The following CRMP1 variants were observed in gnomAD, a reference collection of about 807,000 sequenced individuals.
The protein encoded by CRMP1 is dihydropyrimidinase-related protein 1.
CRMP1 carries 19 observed loss-of-function variants against 68.3 expected under a neutral mutation model. The ratio of observed to expected loss-of-function variants is 0.28; its 90% confidence interval spans 0.19 to 0.41. CRMP1 has a LOEUF of 0.41. CRMP1 is among the 10% of genes least tolerant of loss of function. The pLI, the probability that CRMP1 is intolerant of heterozygous loss-of-function variation, is 1.00. For synonymous variants in CRMP1, 439 were observed against 399.6 expected (o/e 1.10, Z -1.18); for missense variants, 791 against 967.4 (o/e 0.82, Z 2.42).
intron 1 of CRMP1, among the ~76,000 whole-genome samples, chr4:5,878,832 G>T (rs191165428): frequency 7.2e-4 from 109 of 151,932 alleles, no homozygotes; most frequent in African/African-American, 2.5e-3. Flanking sequence ...GCAACGTGGG[G>T]TAACATCTCA....
intron 4 of CRMP1, among the ~76,000 whole-genome samples, chr4:5,851,816 AGAGGAG>A (rs540710993): frequency 2.0e-5 from 3 of 146,852 alleles, no homozygotes; most frequent in African/African-American, 7.6e-5. Context: ...AGGAAAAAGA[AGAGGAG>A]GAGAAAGAAG....
At chr4:5,839,965 T>G (rs1577766836) in intron 8 of CRMP1, among the ~76,000 whole-genome samples, 1 of 152,224 alleles carries the variant, frequency 6.6e-6, no homozygotes, top group African/African-American at 2.4e-5. Flanking sequence ...TGGACATTAT[T>G]ATGTCCTTTT....
At position 5,825,288 on chromosome 4, in the gene CRMP1, C is replaced by G. The variant is rs979988795; in HGVS notation, c.1969+206G>C. 1 of 985,162 alleles carries G rather than the reference C, an allele frequency of 1.0e-6. No individual in the cohort carries two copies. Among genetic ancestry groups the G allele is most frequent in the Non-Finnish European group, 1.2e-6 (1 of 829,898 alleles). 61.0% of individuals were successfully genotyped at this position (985,162 alleles called of 1,614,324 possible). ...CCCACATCAGGTACCACCATGTTGC[C>G]CCCCTAACATGGACCCCCCTCTGCT... On this transcript the variant is annotated intron_variant, in intron 13 of 13. Transcript: ENST00000324989. The surrounding 1 kb of genome is among the most constrained non-coding windows in gnomAD (Gnocchi z 4.4).
chr4:5,853,064 T>G lies in CRMP1; in HGVS notation c.821-1595A>C, dbSNP rs1039086378. 6.6e-6 allele frequency among the ~76,000 whole-genome samples: 1 copy of G among 152,192 alleles called. No homozygotes were observed. Among genetic ancestry groups the G allele is most frequent in the Non-Finnish European group, 1.5e-5 (1 of 68,036 alleles). Reference sequence around the variant, plus strand: ...ATCCTGATGAGCCAGGCAGACAGCTTGCAATTTATTCTGGGGATAATGTGG... The same window carrying G: ...ATCCTGATGAGCCAGGCAGACAGCTGGCAATTTATTCTGGGGATAATGTGG... On this transcript the variant is annotated intron_variant, in intron 4 of 13. Transcript: ENST00000324989. The surrounding 1 kb of genome is among the most constrained non-coding windows in gnomAD (Gnocchi z 4.7).
Position 5,842,959 on chromosome 4 carries a change from A to T in CRMP1, c.1032+134T>A. ...GTCCCCAGGGTTCCCGGGGAAAACA[A>T]GATGGTTTGGGATGGTCTGGGAGAG... On this transcript the variant is annotated intron_variant, in intron 7 of 13. Coordinates refer to ENST00000324989, the MANE Select transcript of CRMP1 (RefSeq NM_001014809.3). The surrounding 1 kb of genome is among the most constrained non-coding windows in gnomAD (Gnocchi z 4.5). 1 of 806,586 alleles carries T rather than the reference A, an allele frequency of 1.2e-6. No homozygotes were observed. The highest frequency in any genetic ancestry group is 2.1e-6 in the Non-Finnish European group (1 of 486,328). 50.0% of individuals were successfully genotyped at this position (806,586 alleles called of 1,614,324 possible). A position where few individuals can be genotyped will look rare whatever the true frequency, so the allele number is the denominator to read the frequency against.
In CRMP1 at chr4:5,873,520, TG is replaced by T. The variant is rs1313567080; in HGVS notation, c.382-6765del. On this transcript the variant is annotated intron_variant, in intron 1 of 13. Coordinates refer to ENST00000324989, the MANE Select transcript of CRMP1 (RefSeq NM_001014809.3). ...TCATGGCTGAAGGCAAAGTGGGGGGTGGGGGGTGAGCACCTCACAGGAAGAA... is the reference window on the plus strand; with the variant it reads ...TCATGGCTGAAGGCAAAGTGGGGGGTGGGGGTGAGCACCTCACAGGAAGAA... Among the ~76,000 whole-genome samples the T allele has an allele frequency of 6.2e-5, 8 of 129,122 alleles. No individual in the cohort carries two copies. In the South Asian group the frequency reaches 7.9e-4, roughly 13 times the overall value. The allele number at this position is 129,122 out of a possible 152,430, so 84.7% of individuals were successfully genotyped here.
rs141685260 is a variant in CRMP1 at position 5,840,923 on chromosome 4, C to G, written c.1153+385G>C. Among the ~76,000 whole-genome samples, 330 of 152,204 alleles carry G rather than the reference C, an allele frequency of 2.2e-3. 11 individuals carry two copies. Among genetic ancestry groups the G allele is most frequent in the Admixed American group, 0.019 (293 of 15,300 alleles). On this transcript the variant is annotated intron_variant, in intron 8 of 13. Transcript: ENST00000324989. The stretch of plus-strand genomic sequence containing the variant: ...AAGGCAGTCCTGAGCCGCATGTGGC[C>G]ACCAATAACCTGAGGCTGTGGTTAG...
chr4:5,835,148 C>T (rs970054330), intron 11 of CRMP1, among the ~76,000 whole-genome samples: 2 of 152,230 alleles, frequency 1.3e-5, no homozygotes, highest in Non-Finnish European at 2.9e-5. Context: ...GGAACACCCA[C>T]TGCAGCTCCA....
intron 1 of CRMP1, among the ~76,000 whole-genome samples, chr4:5,871,380 G>T (rs1453398088): frequency 6.6e-6 from 1 of 152,212 alleles, no homozygotes; most frequent in Non-Finnish European, 1.5e-5. Flanking sequence ...CTAGGTTAAG[G>T]CTGGGTGCGG....
At chr4:5,828,795 A>G (rs1720090910) in intron 11 of CRMP1, 127 bp from the exon 12 acceptor site, 2 of 1,162,464 alleles carry the variant, frequency 1.7e-6, no homozygotes, top group Admixed American at 5.5e-5. Context: ...CTCTAAAAAT[A>G]CCTTTTATTG....
At chr4:5,847,530 G>A (rs544063030) in intron 6 of CRMP1, among the ~76,000 whole-genome samples, 11 of 152,206 alleles carry the variant, frequency 7.2e-5, no homozygotes, top group Admixed American at 5.9e-4. Context: ...TGTTAGCAAT[G>A]AACAGAATAC....
At position 5,825,671 on chromosome 4, in the gene CRMP1, A is replaced by G. The variant is rs760458156; in HGVS notation, c.1804-12T>C. 16 of 1,612,188 alleles carry G rather than the reference A, an allele frequency of 9.9e-6. No individual in the cohort carries two copies. Among genetic ancestry groups the G allele is most frequent in the Non-Finnish European group, 1.3e-5 (15 of 1,179,222 alleles). The stretch of plus-strand genomic sequence containing the variant: ...TGCAATCCAAAAACCTAAACAGAGG[A>G]AGGGAGAGTGTGATTGATCGACACT... On this transcript the variant is annotated splice_polypyrimidine_tract_variant and intron_variant, in intron 12 of 13. Coordinates refer to ENST00000324989, the MANE Select transcript of CRMP1 (RefSeq NM_001014809.3). The surrounding 1 kb of genome is among the most constrained non-coding windows in gnomAD (Gnocchi z 4.4).
In CRMP1 at chr4:5,891,164, C is replaced by CA. The variant is rs1715922618; in HGVS notation, c.381+1424_381+1425insT. 1.6e-5 allele frequency among the ~76,000 whole-genome samples: 1 copy of CA among 63,290 alleles called. No individual in the cohort carries two copies. Among genetic ancestry groups the CA allele is most frequent in the African/African-American group, 4.4e-5 (1 of 22,506 alleles). 41.5% of individuals were successfully genotyped at this position (63,290 alleles called of 152,430 possible). A position where few individuals can be genotyped will look rare whatever the true frequency, so the allele number is the denominator to read the frequency against. On this transcript the variant is annotated intron_variant, in intron 1 of 13. Transcript: ENST00000324989. This position sits in a 1 kb window ranked among gnomAD's most constrained non-coding sequence, Gnocchi z 5.2. ...ATCTCCCTTTCTGATCACCCCACCA[C>CA]CACACACACATACACACACACACAC... is the stretch of plus-strand genomic sequence containing the variant.
rs773157126 is a variant in CRMP1 at position 5,836,941 on chromosome 4, T to C, written c.1311-35A>G. The C allele has an allele frequency of 1.5e-5, 23 of 1,561,846 alleles. No individual in the cohort carries two copies. In the South Asian group the frequency reaches 2.8e-4, roughly 19 times the overall value. ...ACAAAACAAGGTAGAGTTCAGACCC[T>C]AGTTCATTTTGAAGGCAAATCCTGA... On this transcript the variant is annotated intron_variant, in intron 9 of 13. Transcript: ENST00000324989.
At chr4:5,871,270 G>A (rs1441325166) in intron 1 of CRMP1, among the ~76,000 whole-genome samples, 2 of 152,186 alleles carry the variant, frequency 1.3e-5, no homozygotes, top group Non-Finnish European at 2.9e-5. Flanking sequence ...CTCTTAAACA[G>A]GCATTTTCAA....
In CRMP1 at chr4:5,841,332, T is replaced by C. The variant is rs749266226; in HGVS notation, c.1129A>G (p.Ile377Val). ...TKVMSKSAADIIALARKKGPL... is the reference protein window; with the variant it reads ...TKVMSKSAADVIALARKKGPL... ...CCTTTCTTCCTGGCCAGAGCGATGA[T>C]GTCGGCTGCACTCTTGCTCATGACC... The change falls in exon 8 of 14, where the codon ATC (isoleucine) becomes GTC (valine). Residue 377 changes from isoleucine (I) to valine (V), a missense_variant. Ile to Val is a conservative substitution (Grantham distance 29). This residue lies in a region of CRMP1 where 594 missense variants were observed against 763.6 expected (regional missense o/e 0.78). Transcript: ENST00000324989. The surrounding 1 kb of genome is among the most constrained non-coding windows in gnomAD (Gnocchi z 6.9). The C allele has an allele frequency of 3.7e-6, 6 of 1,613,968 alleles. No individual in the cohort carries two copies. The East Asian group carries it at 6.7e-5, about 18-fold the overall frequency.
Position 5,827,733 on chromosome 4 carries a change from G to GCACA in CRMP1, c.1803+752_1803+755dup, listed in dbSNP as rs141887967. ...CATAGACATACACACATGTGCGCGT[G>GCACA]CACACACACACACACACACACGAAG... On this transcript the variant is annotated intron_variant, in intron 12 of 13. Coordinates refer to ENST00000324989, the MANE Select transcript of CRMP1 (RefSeq NM_001014809.3). Among the ~76,000 whole-genome samples, 22 of 138,330 alleles carry GCACA rather than the reference G, an allele frequency of 1.6e-4. 1 individual carries two copies. Among genetic ancestry groups the GCACA allele is most frequent in the East Asian group, 6.5e-4 (3 of 4,596 alleles). 90.7% of individuals were successfully genotyped at this position (138,330 alleles called of 152,430 possible).
intron 8 of CRMP1, among the ~76,000 whole-genome samples, chr4:5,840,999 G>GA (rs1392327859): frequency 6.6e-6 from 1 of 152,172 alleles, no homozygotes; most frequent in African/African-American, 2.4e-5. Flanking sequence ...AGAGAGTACA[G>GA]AAAACATCAT....
At position 5,854,039 on chromosome 4, in the gene CRMP1, T is replaced by C. The variant is rs900639499; in HGVS notation, c.820+2104A>G. On this transcript the variant is annotated intron_variant, in intron 4 of 13. Transcript: ENST00000324989. The surrounding 1 kb of genome is among the most constrained non-coding windows in gnomAD (Gnocchi z 4.0). ...ACTAGGCCTCACGGAGCCCAGTGTCTTTCCCTACAAACTCCACTGCCACTC... is the reference window on the plus strand; with the variant it reads ...ACTAGGCCTCACGGAGCCCAGTGTCCTTCCCTACAAACTCCACTGCCACTC... Among the ~76,000 whole-genome samples the C allele has an allele frequency of 2.6e-5, 4 of 152,216 alleles. No individual in the cohort carries two copies. The highest frequency in any genetic ancestry group is 9.6e-5 in the African/African-American group (4 of 41,466).
Sources: gnomAD v4.1 joint callset for allele counts (sites outside exome capture counted in the v4.1 genomes callset) on GRCh38, gnomAD v4.1.1 for gene constraint, gnomAD v4.1.1 regional missense constraint, Gnocchi (gnomAD v3.1) non-coding constraint, MANE v1.5 for transcripts, NCBI Gene and HGNC (gene_info 2026-07-23, HGNC 2026-07-21) for gene names.